The following SLC25A33 variants were observed in gnomAD, a reference collection of about 807,000 sequenced individuals.
The protein encoded by SLC25A33 is bone marrow stromal cell mitochondrial carrier protein.
A neutral mutation model predicts 35.5 loss-of-function variants in SLC25A33; 15 were observed. The ratio of observed to expected loss-of-function variants is 0.42; its 90% CI spans 0.28 to 0.65. The LOEUF is 0.65. Among genes scored for constraint, SLC25A33 ranks in the 30% least tolerant of loss-of-function variants. SLC25A33 has a pLI of 0.20. For synonymous variants in SLC25A33, 136 were observed against 148.7 expected, an observed-to-expected ratio of 0.91 and a Z score of 0.62; for missense variants, 257 against 398.5, an observed-to-expected ratio of 0.64 and a Z score of 3.02.
At chr1:9,574,446 C>CA (rs1408028828) in intron 5 of SLC25A33, among the ~76,000 whole-genome samples, 1 of 152,114 alleles carries the variant, frequency 6.6e-6, no homozygotes, top group African/African-American at 2.4e-5. Flanking sequence ...GCCTCTTTAA[C>CA]ACATTAAATT....
At chr1:9,557,766 C>T (rs1375186637) in intron 2 of SLC25A33, among the ~76,000 whole-genome samples, 1 of 152,054 alleles carries the variant, frequency 6.6e-6, no homozygotes, top group Non-Finnish European at 1.5e-5. Context: ...TGCTCTATTG[C>T]AAAAACCACA....
chr1:9,541,957 G>T (rs1435838488), intron 1 of SLC25A33, among the ~76,000 whole-genome samples: 1 of 151,950 alleles, frequency 6.6e-6, no homozygotes, highest in African/African-American at 2.4e-5. Context: ...CCGCCACCAC[G>T]CCCGGCTAAT....
intron 1 of SLC25A33, among the ~76,000 whole-genome samples, chr1:9,550,038 T>TTTTTG (rs1553145253): frequency 1.6e-5 from 2 of 126,412 alleles, no homozygotes; most frequent in Non-Finnish European, 1.6e-5. Flanking sequence ...TTTTTTTTTT[T>TTTTTG]GAGACGGGGT....
intron 5 of SLC25A33, among the ~76,000 whole-genome samples, chr1:9,579,570 G>A (rs1370489460): frequency 6.6e-6 from 1 of 152,138 alleles, no homozygotes; most frequent in East Asian, 1.9e-4. Flanking sequence ...TACCCTCCCC[G>A]GGGGCCACCC....
rs80216655 is a variant in SLC25A33 at position 9,551,434 on chromosome 1, G to T, written c.57-2192G>T. The stretch of plus-strand genomic sequence containing the variant: ...CCCTCATGGGGATTTTACTTCATTC[G>T]TTACTTTCAGAGTGTGCGTTAGGTA... On this transcript the variant is annotated intron_variant, in intron 1 of 6. Transcript: ENST00000302692. Among the ~76,000 whole-genome samples, 445 of 152,188 alleles carry T rather than the reference G, an allele frequency of 2.9e-3. 3 individuals carry two copies. Among genetic ancestry groups the T allele is most frequent in the African/African-American group, 0.01 (430 of 41,518 alleles).
At chr1:9,575,212 CAAAAAA>C (rs909942057) in intron 5 of SLC25A33, among the ~76,000 whole-genome samples, 50 of 58,734 alleles carry the variant, frequency 8.5e-4, no homozygotes, top group African/African-American at 2.7e-3. Context: ...GACTCTGGCT[CAAAAAA>C]AAAAAAAAAA....
chr1:9,550,214 G>A (rs1643247009), intron 1 of SLC25A33, among the ~76,000 whole-genome samples: 1 of 147,668 alleles, frequency 6.8e-6, no homozygotes, highest in Non-Finnish European at 1.5e-5. Context: ...GGGTAACAGA[G>A]GAAGACCTTC....
rs1366739006 is a variant in SLC25A33 at position 9,573,338 on chromosome 1, T to C, written c.416-8T>C. 3 of 1,601,608 alleles carry C rather than the reference T, an allele frequency of 1.9e-6. No individual in the cohort carries two copies. The highest frequency in any genetic ancestry group is 2.6e-6 in the Non-Finnish European group (3 of 1,172,662). On this transcript the variant is annotated splice_region_variant and splice_polypyrimidine_tract_variant and intron_variant, in intron 4 of 6. Transcript: ENST00000302692. Reference sequence around the variant, plus strand: ...AGTGTTGACCTTTACTGTTTTTTTTTTTTCCAGCTTTTATCACAAATTCCT... The same window carrying C: ...AGTGTTGACCTTTACTGTTTTTTTTCTTTCCAGCTTTTATCACAAATTCCT...
intron 1 of SLC25A33, among the ~76,000 whole-genome samples, chr1:9,552,569 G>A (rs934000274): frequency 6.6e-6 from 1 of 152,038 alleles, no homozygotes; most frequent in African/African-American, 2.4e-5. Context: ...GGTCTGTATT[G>A]GAGTAAATAT....
At chr1:9,540,054 G>A (rs1369255003) in intron 1 of SLC25A33, among the ~76,000 whole-genome samples, 1 of 152,158 alleles carries the variant, frequency 6.6e-6, no homozygotes, top group African/African-American at 2.4e-5. Flanking sequence ...GGTGCTCGGC[G>A]GCGGTCCAGC....
chr1:9,543,207 G>C (rs981976428), intron 1 of SLC25A33, among the ~76,000 whole-genome samples: 1 of 151,222 alleles, frequency 6.6e-6, no homozygotes, highest in Non-Finnish European at 1.5e-5. Flanking sequence ...GCAGTGGTGC[G>C]ATCTCAGCTC....
Position 9,579,940 on chromosome 1 carries a change from T to C in SLC25A33, c.483-14T>C. On this transcript the variant is annotated splice_polypyrimidine_tract_variant and intron_variant, in intron 5 of 6. Transcript: ENST00000302692. Reference sequence around the variant, plus strand: ...ATGTCTCCTTAACAGCCTGTGTTGGTCTCTTTTATGCAGAGTGAGGGGCTC... The same window carrying C: ...ATGTCTCCTTAACAGCCTGTGTTGGCCTCTTTTATGCAGAGTGAGGGGCTC... 6.2e-7 allele frequency: 1 copy of C among 1,603,716 alleles called. No homozygotes were observed. Among genetic ancestry groups the C allele is most frequent in the Non-Finnish European group, 8.5e-7 (1 of 1,175,608 alleles).
intron 1 of SLC25A33, among the ~76,000 whole-genome samples, chr1:9,550,317 G>A (rs1351853683): frequency 6.6e-6 from 1 of 151,424 alleles, no homozygotes. Context: ...TTTTTTGGAC[G>A]AACACACCAT....
At chr1:9,563,058 A>T (rs1398006220) in intron 2 of SLC25A33, among the ~76,000 whole-genome samples, 1 of 151,296 alleles carries the variant, frequency 6.6e-6, no homozygotes, top group African/African-American at 2.4e-5. Context: ...AGCTGGGACT[A>T]CAGGCGCCCA....
intron 2 of SLC25A33, among the ~76,000 whole-genome samples, chr1:9,554,505 A>T (rs11121445): frequency 0.023 from 3,541 of 152,082 alleles, 141 homozygotes; most frequent in African/African-American, 0.078. Context: ...GATTACAGAC[A>T]TGCGCCACCA....
intron 1 of SLC25A33, among the ~76,000 whole-genome samples, chr1:9,547,991 C>G (rs1643206387): frequency 6.6e-6 from 1 of 151,908 alleles, no homozygotes; most frequent in African/African-American, 2.4e-5. Context: ...AGCTGGGTGG[C>G]TGAGACTAGA....
chr1:9,548,872 C>T (rs1338651304), intron 1 of SLC25A33, among the ~76,000 whole-genome samples: 1 of 152,190 alleles, frequency 6.6e-6, no homozygotes, highest in African/African-American at 2.4e-5. Flanking sequence ...TAGTCTAAGA[C>T]TTAGGTGGAA....
chr1:9,558,881 A>G (rs1320361910), intron 2 of SLC25A33, among the ~76,000 whole-genome samples: 1 of 152,164 alleles, frequency 6.6e-6, no homozygotes, highest in Non-Finnish European at 1.5e-5. Flanking sequence ...TCCTCTGCTC[A>G]GAGTTGCTGT....
chr1:9,570,417 T>C, intron 4 of SLC25A33, 59 bp downstream of exon 4: 4 of 1,402,210 alleles, frequency 2.9e-6, no homozygotes, highest in Non-Finnish European at 4.0e-6. Flanking sequence ...AAGCATGCAT[T>C]GTGCCAGTTT....
Sources: gnomAD v4.1 joint callset for allele counts (sites outside exome capture counted in the v4.1 genomes callset) on GRCh38, gnomAD v4.1.1 for gene constraint, MANE v1.5 for transcripts, NCBI Gene and HGNC (gene_info 2026-07-23, HGNC 2026-07-21) for gene names.